ZFHX3: variants seen among roughly 807,000 people sequenced by gnomAD.
ZFHX3 encodes zinc finger homeobox protein 3.
Under a neutral mutation model 279.1 loss-of-function variants are expected in ZFHX3, and 42 were observed. The ratio of observed to expected loss-of-function variants is 0.15; its 90% CI spans 0.12 to 0.19. The LOEUF is 0.19. ZFHX3 is among the 10% of genes least tolerant of loss of function. The pLI is 1.00. For missense variants in ZFHX3, 4,981 were observed against 4,754.0 expected, an observed-to-expected ratio of 1.05 and a Z score of -1.40; for synonymous variants, 2,293 against 1,957.8, an observed-to-expected ratio of 1.17 and a Z score of -4.52.
At chr16:72,911,345 A>G (rs2039311182) in intron 3 of ZFHX3, among the ~76,000 whole-genome samples, 1 of 152,236 alleles carries the variant, frequency 6.6e-6, no homozygotes, top group African/African-American at 2.4e-5. Context: ...GAAGTAATTG[A>G]GGGAAAAGGA....
intron 4 of ZFHX3, among the ~76,000 whole-genome samples, chr16:73,289,158 G>A (rs891544492): frequency 5.3e-5 from 8 of 151,684 alleles, no homozygotes; most frequent in Non-Finnish European, 4.4e-5. Context: ...TCGCTGGCCT[G>A]TTCCTATTTG....
chr16:73,282,442 CT>C (rs2014481055), intron 4 of ZFHX3, among the ~76,000 whole-genome samples: 1 of 152,088 alleles, frequency 6.6e-6, no homozygotes, highest in South Asian at 2.1e-4. Context: ...TTAGGGAATT[CT>C]TTTGGCTATT....
intron 2 of ZFHX3, among the ~76,000 whole-genome samples, chr16:73,626,928 T>C (rs2052422357): frequency 2.0e-5 from 3 of 152,206 alleles, no homozygotes; most frequent in Admixed American, 2.0e-4. Flanking sequence ...ACTCTCTGCT[T>C]AGCATCTGGG....
At chr16:73,756,219 T>C (rs182459592) in intron 1 of ZFHX3, among the ~76,000 whole-genome samples, 1 of 152,202 alleles carries the variant, frequency 6.6e-6, no homozygotes, top group African/African-American at 2.4e-5. Flanking sequence ...TCACTCTCTC[T>C]TTCTCTTTCC....
chr16:73,454,476 C>G (rs1285050024), intron 3 of ZFHX3, among the ~76,000 whole-genome samples: 2 of 150,986 alleles, frequency 1.3e-5, no homozygotes, highest in Admixed American at 1.3e-4. Flanking sequence ...GTAATGGGAC[C>G]ATTCAAGCTA....
chr16:73,614,119 T>C, intron 2 of ZFHX3, among the ~76,000 whole-genome samples: 1 of 152,216 alleles, frequency 6.6e-6, no homozygotes, highest in East Asian at 1.9e-4. Flanking sequence ...GATGAAGCAT[T>C]CTTCCTGACA....
intron 2 of ZFHX3, among the ~76,000 whole-genome samples, chr16:73,597,605 C>T (rs879407362): frequency 6.6e-6 from 1 of 152,100 alleles, no homozygotes; most frequent in Admixed American, 6.5e-5. Context: ...AGAGGAGAGC[C>T]TCACGGGAAG....
chr16:73,841,952 C>T (rs1371452936), intron 1 of ZFHX3, among the ~76,000 whole-genome samples: 1 of 152,018 alleles, frequency 6.6e-6, no homozygotes, highest in Non-Finnish European at 1.5e-5. Context: ...CGGTGGCTCA[C>T]GCTGGTAATC....
chr16:73,772,912 C>T (rs1481158077), intron 1 of ZFHX3, among the ~76,000 whole-genome samples: 8 of 152,164 alleles, frequency 5.3e-5, no homozygotes, highest in Non-Finnish European at 1.0e-4. Context: ...TCCCACACTG[C>T]CACTACCTGC....
In ZFHX3 at chr16:72,787,626, C is replaced by A. The variant is rs768842602; in HGVS notation, c.10650G>T (p.Ser3550=). Residue 3550 remains serine (S), a synonymous_variant, in exon 10 of 10, where the codon TCG becomes TCT. Coordinates refer to ENST00000268489, the MANE Select transcript of ZFHX3 (RefSeq NM_006885.4). ...GEEALSQHLE[S]ALHKHRTITR... is the part of the protein sequence containing the mutation. ...TGATTGTTCTGTGTTTGTGCAAGGC[C>A]GACTCGAGATGTTGACTCAGAGCTT... is the stretch of plus-strand genomic sequence containing the variant. 4.3e-6 allele frequency: 7 copies of A among 1,612,720 alleles called. No individual in the cohort carries two copies. The Admixed American group carries it at 1.0e-4, about 23-fold the overall frequency.
intron 3 of ZFHX3, among the ~76,000 whole-genome samples, chr16:73,339,108 T>C (rs532980552): frequency 6.6e-6 from 1 of 152,184 alleles, no homozygotes; most frequent in Non-Finnish European, 1.5e-5. Context: ...CAGTCTCAGG[T>C]ATTTCTTTAT....
intron 3 of ZFHX3, chr16:73,421,190 G>A (rs1016332900): frequency 8.5e-5 from 13 of 152,252 alleles, no homozygotes; most frequent in East Asian, 7.7e-4. Flanking sequence ...TGAGACAACC[G>A]TCCAAATCTC....
chr16:73,488,695 A>T (rs1303072731), intron 2 of ZFHX3, among the ~76,000 whole-genome samples: 1 of 152,234 alleles, frequency 6.6e-6, no homozygotes, highest in Non-Finnish European at 1.5e-5. Flanking sequence ...ACTGTAGGAC[A>T]AGATGTACAA....
intron 4 of ZFHX3, among the ~76,000 whole-genome samples, chr16:72,842,834 GA>G (rs2037377781): frequency 6.6e-6 from 1 of 152,140 alleles, no homozygotes; most frequent in Admixed American, 6.5e-5. Flanking sequence ...AATGTTCCAG[GA>G]GAATGGAAAT....
intron 5 of ZFHX3, among the ~76,000 whole-genome samples, chr16:73,215,828 ATGACT>A (rs1217592989): frequency 6.6e-6 from 1 of 152,174 alleles, no homozygotes; most frequent in Admixed American, 6.5e-5. Flanking sequence ...GCTCAATCAC[ATGACT>A]TGACTTGGCT....
At chr16:73,704,316 A>G (rs1303534886) in intron 1 of ZFHX3, among the ~76,000 whole-genome samples, 7 of 152,204 alleles carry the variant, frequency 4.6e-5, no homozygotes, top group African/African-American at 1.7e-4. Context: ...ACGAACCATC[A>G]TTTGTTCACC....
At chr16:73,379,382 T>C (rs925416088) in intron 3 of ZFHX3, among the ~76,000 whole-genome samples, 8 of 152,064 alleles carry the variant, frequency 5.3e-5, no homozygotes, top group Admixed American at 4.6e-4. Flanking sequence ...CAGTGCTGTA[T>C]TGTGGGCTGG....
In ZFHX3 at chr16:73,202,105, C is replaced by G. The variant is rs112704226; in HGVS notation, c.-1104+54942G>C. Among the ~76,000 whole-genome samples, 51 of 152,252 alleles carry G rather than the reference C, an allele frequency of 3.3e-4. 1 individual carries two copies. The highest frequency in any genetic ancestry group is 6.8e-3 in the Middle Eastern group (2 of 294). ...AAAAGGCATTTAAATGTAAAGATCT[C>G]AGCTCAATATTATTCACTATAAGTC... On this transcript the variant is annotated intron_variant, in intron 5 of 17. Coordinates refer to the ZFHX3 transcript ENST00000641206.
intron 3 of ZFHX3, among the ~76,000 whole-genome samples, chr16:72,950,135 G>A (rs1460863897): frequency 6.6e-6 from 1 of 151,340 alleles, no homozygotes; most frequent in East Asian, 1.9e-4. Flanking sequence ...AAGCCTAAAG[G>A]AGAGAGGGAA....
Sources: allele counts gnomAD v4.1 joint callset (sites outside exome capture counted in the v4.1 genomes callset), GRCh38; gene constraint gnomAD v4.1.1; transcripts MANE v1.5; gene names NCBI Gene and HGNC (gene_info 2026-07-23, HGNC 2026-07-21).